NINL: variants seen among roughly 807,000 people sequenced by gnomAD.
NINL encodes ninein-like protein.
Under a neutral mutation model 160.3 loss-of-function variants are expected in NINL, and 153 were observed. The observed-to-expected ratio is 0.95, with a 90% CI of 0.84 to 1.09. The LOEUF is 1.09. NINL is among the 50% of genes least tolerant of loss of function. NINL has a pLI of 0.00. For missense variants in NINL, 1,829 were observed against 1,764.0 expected, an observed-to-expected ratio of 1.04 and a Z score of -0.66; for synonymous variants, 800 against 734.8, an observed-to-expected ratio of 1.09 and a Z score of -1.43.
intron 1 of NINL, among the ~76,000 whole-genome samples, chr20:25,541,813 A>G (rs1286403146): frequency 6.6e-6 from 1 of 152,244 alleles, no homozygotes; most frequent in Non-Finnish European, 1.5e-5. Flanking sequence ...GAACTAGAAG[A>G]GCACATTTGC....
chr20:25,474,316 G>T (rs925202333), intron 17 of NINL, among the ~76,000 whole-genome samples: 3 of 152,200 alleles, frequency 2.0e-5, no homozygotes, highest in Non-Finnish European at 2.9e-5. Context: ...AGCCCAAGGA[G>T]ACCCTTTCCT....
At chr20:25,471,592 G>C (rs1257033982) in intron 17 of NINL, among the ~76,000 whole-genome samples, 1 of 152,136 alleles carries the variant, frequency 6.6e-6, no homozygotes, top group African/African-American at 2.4e-5. Flanking sequence ...AAGAAAACCT[G>C]CAAGAATCTC....
intron 2 of NINL, among the ~76,000 whole-genome samples, chr20:25,519,291 T>C (rs2064221128): frequency 6.6e-6 from 1 of 152,170 alleles, no homozygotes; most frequent in Non-Finnish European, 1.5e-5. Flanking sequence ...GCCTTTGTTA[T>C]CATGTATTTT....
chr20:25,510,643 G>A (rs1167857766), intron 5 of NINL, 31 bp downstream of exon 5: 1 of 1,598,646 alleles, frequency 6.3e-7, no homozygotes, highest in Admixed American at 1.7e-5. Context: ...GGCAAAGGCA[G>A]AGAGCACTGA....
chr20:25,464,000 G>T (rs1601005202), intron 19 of NINL, among the ~76,000 whole-genome samples: 4 of 152,294 alleles, frequency 2.6e-5, no homozygotes, highest in Admixed American at 2.6e-4. Context: ...TTTTAATACT[G>T]ACACACATTC....
chr20:25,479,330 G>A, intron 15 of NINL, 124 bp from the exon 16 acceptor site: 1 of 1,256,028 alleles, frequency 8.0e-7, no homozygotes, highest in Non-Finnish European at 1.1e-6. Context: ...GGCCTGCCGA[G>A]GTGCCAGGGT....
chr20:25,486,753 G>A (rs759316326), intron 13 of NINL, among the ~76,000 whole-genome samples: 2 of 152,186 alleles, frequency 1.3e-5, no homozygotes, highest in Non-Finnish European at 2.9e-5. Flanking sequence ...ATCCTCTGGG[G>A]TTGCAAAGCA....
intron 18 of NINL, among the ~76,000 whole-genome samples, chr20:25,468,628 G>A (rs1402221784): frequency 2.8e-5 from 4 of 141,546 alleles, no homozygotes; most frequent in East Asian, 2.2e-4. Flanking sequence ...CTCACTGGTG[G>A]GCGCCCCCCT....
intron 17 of NINL, among the ~76,000 whole-genome samples, chr20:25,472,664 G>A (rs968921652): frequency 2.0e-5 from 3 of 151,676 alleles, no homozygotes; most frequent in Admixed American, 1.3e-4. Flanking sequence ...AAATAGCTGG[G>A]ACCAAAGGTG....
At chr20:25,538,772 C>T (rs1228057438) in intron 1 of NINL, among the ~76,000 whole-genome samples, 5 of 151,800 alleles carry the variant, frequency 3.3e-5, no homozygotes, top group Non-Finnish European at 7.4e-5. Flanking sequence ...GAGGAGAGCA[C>T]AGAACTGGAG....
Position 25,453,385 on chromosome 20 carries a change from T to C in NINL, c.*66A>G, listed in dbSNP as rs981391991. 11 of 1,438,176 alleles carry C rather than the reference T, an allele frequency of 7.6e-6. No homozygotes were observed. In the East Asian group the frequency reaches 2.3e-4, roughly 30 times the overall value. 89.1% of individuals were successfully genotyped at this position (1,438,176 alleles called of 1,614,324 possible). ...CTCATGGCTCATGACCCACGGAATCTAAGGCAGCACAGTGGCTTAATTTAA... is the reference window on the plus strand; with the variant it reads ...CTCATGGCTCATGACCCACGGAATCCAAGGCAGCACAGTGGCTTAATTTAA... On this transcript the variant is annotated 3_prime_UTR_variant, in exon 24 of 24. Transcript: ENST00000278886.
At chr20:25,547,587 G>A (rs1328925505) in intron 1 of NINL, among the ~76,000 whole-genome samples, 1 of 151,778 alleles carries the variant, frequency 6.6e-6, no homozygotes, top group East Asian at 1.9e-4. Flanking sequence ...GGACATCCAG[G>A]GGCCTCTGAA....
intron 1 of NINL, among the ~76,000 whole-genome samples, chr20:25,573,297 C>CAA (rs960087203): frequency 9.7e-4 from 50 of 51,572 alleles, no homozygotes; most frequent in African/African-American, 2.1e-3. Context: ...AACTCCATCT[C>CAA]AAAAAAAAAA....
intron 20 of NINL, 151 bp downstream of exon 20, chr20:25,462,232 C>T: frequency 1.5e-6 from 1 of 667,076 alleles, no homozygotes; most frequent in Non-Finnish European, 2.5e-6. Context: ...TTTGCCAACA[C>T]AGCACAGTCC....
chr20:25,524,933 A>G lies in NINL; in HGVS notation c.180+1475T>C, dbSNP rs111399143. On this transcript the variant is annotated intron_variant, in intron 2 of 23. Transcript: ENST00000278886. Reference sequence around the variant, plus strand: ...TATATATATATATATATGTGTGTGTATATATATATATATAAATAAATAAAC... The same window carrying G: ...TATATATATATATATATGTGTGTGTGTATATATATATATAAATAAATAAAC... 6.0e-4 allele frequency among the ~76,000 whole-genome samples: 80 copies of G among 133,496 alleles called. 1 individual carries two copies. Among genetic ancestry groups the G allele is most frequent in the Admixed American group, 6.9e-4 (9 of 12,990 alleles). 87.6% of individuals were successfully genotyped at this position (133,496 alleles called of 152,430 possible).
intron 1 of NINL, among the ~76,000 whole-genome samples, chr20:25,574,458 C>A (rs1396816492): frequency 6.6e-6 from 1 of 152,052 alleles, no homozygotes; most frequent in African/African-American, 2.4e-5. Flanking sequence ...AACAAGTACA[C>A]AGTGACACAT....
At chr20:25,537,830 G>C (rs1450769749) in intron 1 of NINL, among the ~76,000 whole-genome samples, 3 of 152,170 alleles carry the variant, frequency 2.0e-5, no homozygotes, top group Non-Finnish European at 2.9e-5. Context: ...TGGCACCACA[G>C]GCCACCATTA....
chr20:25,468,977 C>T lies in NINL; in HGVS notation c.3353+1014G>A, dbSNP rs1243790470. Among the ~76,000 whole-genome samples, 116 of 142,810 alleles carry T rather than the reference C, an allele frequency of 8.1e-4. 1 individual carries two copies. The highest frequency in any genetic ancestry group is 2.9e-3 in the African/African-American group (103 of 35,580). The allele number at this position is 142,810 out of a possible 152,430, so 93.7% of individuals were successfully genotyped here. On this transcript the variant is annotated intron_variant, in intron 18 of 23. Coordinates refer to ENST00000278886, the MANE Select transcript of NINL (RefSeq NM_025176.6). ...GGTGGGTGCCCCACTGCCCTGTCCC[C>T]TGACTCTCACTGGTGAGTCCCCCCT...
chr20:25,520,525 C>A lies in NINL; in HGVS notation c.181-2676G>T, dbSNP rs530763449. ...CTGCCCCCCAGTTAAAATGTGAGCT[C>A]ACTTTTGGCATATAGTAGGGACTCA... On this transcript the variant is annotated intron_variant, in intron 2 of 23. Coordinates refer to ENST00000278886, the MANE Select transcript of NINL (RefSeq NM_025176.6). Among the ~76,000 whole-genome samples, 14 of 152,284 alleles carry A rather than the reference C, an allele frequency of 9.2e-5. 1 individual carries two copies. In the South Asian group the frequency reaches 2.9e-3, roughly 32 times the overall value.
Sources: gnomAD v4.1 joint callset for allele counts (sites outside exome capture counted in the v4.1 genomes callset) on GRCh38, gnomAD v4.1.1 for gene constraint, MANE v1.5 for transcripts, NCBI Gene and HGNC (gene_info 2026-07-23, HGNC 2026-07-21) for gene names.